Variants in CEP63 observed in about 807,000 individuals in gnomAD.
CEP63 encodes centrosomal protein of 63 kDa.
Under a neutral mutation model 89.1 loss-of-function variants are expected in CEP63, and 84 were observed. That is an observed-to-expected ratio of 0.94 (90% confidence interval 0.79 to 1.13). The LOEUF (loss-of-function observed/expected upper bound fraction) is 1.13. Among genes scored for constraint, CEP63 ranks in the 50% most tolerant of loss-of-function variants. The pLI is 0.00. For synonymous variants in CEP63, 267 were observed against 272.5 expected, an observed-to-expected ratio of 0.98 and a Z score of 0.20; for missense variants, 838 against 813.3, an observed-to-expected ratio of 1.03 and a Z score of -0.37.
downstream of CEP63, among the ~76,000 whole-genome samples, chr3:134,587,837 A>G (rs1170829611): frequency 7.6e-6 from 1 of 131,892 alleles, no homozygotes; most frequent in Admixed American, 7.5e-5. Flanking sequence ...ACCCCCCTAT[A>G]AAAAAAAAAA....
At chr3:134,633,696 AG>A in the CEP63 span, among the ~76,000 whole-genome samples, 1 of 152,166 alleles carries the variant, frequency 6.6e-6, no homozygotes. Context: ...ATTGGGAACA[AG>A]TCATAGATAT....
chr3:134,534,083 G>T (rs1950332315), intron 5 of CEP63, among the ~76,000 whole-genome samples: 1 of 151,774 alleles, frequency 6.6e-6, no homozygotes, highest in South Asian at 2.1e-4. Flanking sequence ...AGCCTATACT[G>T]CCAGCCAATG....
the CEP63 span, among the ~76,000 whole-genome samples, chr3:134,737,352 G>T: frequency 6.6e-6 from 1 of 151,996 alleles, no homozygotes; most frequent in Non-Finnish European, 1.5e-5. Context: ...CTACAAAGGT[G>T]AATTGATAAG....
the CEP63 span, among the ~76,000 whole-genome samples, chr3:134,782,178 A>C: frequency 6.6e-6 from 1 of 152,244 alleles, no homozygotes; most frequent in Admixed American, 6.5e-5. Context: ...ATGGGACAAT[A>C]GATTTCTCTA....
chr3:134,521,108 C>T (rs1947345942), intron 3 of CEP63, among the ~76,000 whole-genome samples: 1 of 151,862 alleles, frequency 6.6e-6, no homozygotes, highest in Non-Finnish European at 1.5e-5. Flanking sequence ...GAAAAATGGG[C>T]AAAAGACAAA....
chr3:134,529,377 GT>G (rs1410932016), intron 3 of CEP63, among the ~76,000 whole-genome samples: 10 of 107,258 alleles, frequency 9.3e-5, no homozygotes, highest in African/African-American at 3.8e-4. Flanking sequence ...GTCTCACTCT[GT>G]TGCCCAGGCT....
the CEP63 span, among the ~76,000 whole-genome samples, chr3:134,744,862 C>A: frequency 1.3e-5 from 2 of 152,172 alleles, no homozygotes; most frequent in African/African-American, 4.8e-5. Flanking sequence ...TTGTCTAATG[C>A]ACACTATCTT....
the CEP63 span, among the ~76,000 whole-genome samples, chr3:134,724,654 GC>G: frequency 1.2e-4 from 19 of 152,198 alleles, no homozygotes; most frequent in African/African-American, 4.1e-4. Flanking sequence ...TCCCATGAAT[GC>G]CTAGTCAAAA....
chr3:134,656,663 G>T, the CEP63 span, among the ~76,000 whole-genome samples: 1 of 152,184 alleles, frequency 6.6e-6, no homozygotes, highest in Non-Finnish European at 1.5e-5. Flanking sequence ...GATATTTTGG[G>T]GTAGTGTGGG....
chr3:134,589,967 G>C (rs1188101992), downstream of CEP63, among the ~76,000 whole-genome samples: 1 of 152,108 alleles, frequency 6.6e-6, no homozygotes, highest in Non-Finnish European at 1.5e-5. Context: ...GGAGCTGGAG[G>C]CTATTATCCT....
chr3:134,542,343 A>G (rs1304096968), intron 6 of CEP63, among the ~76,000 whole-genome samples: 1 of 152,232 alleles, frequency 6.6e-6, no homozygotes, highest in South Asian at 2.1e-4. Flanking sequence ...TGGTAGAATT[A>G]TCAGAGTTAA....
the CEP63 span, among the ~76,000 whole-genome samples, chr3:134,673,126 G>T: frequency 6.6e-6 from 1 of 152,132 alleles, no homozygotes; most frequent in East Asian, 1.9e-4. Context: ...CAGGTCTTCA[G>T]GAGTAAATTT....
At chr3:134,780,895 A>G in the CEP63 span, among the ~76,000 whole-genome samples, 1 of 152,216 alleles carries the variant, frequency 6.6e-6, no homozygotes, top group African/African-American at 2.4e-5. Flanking sequence ...TGTTATATTT[A>G]AAAATATTAT....
At chr3:134,623,555 C>T in the CEP63 span, among the ~76,000 whole-genome samples, 1 of 151,454 alleles carries the variant, frequency 6.6e-6, no homozygotes, top group South Asian at 2.1e-4. Flanking sequence ...CTTGTTCCCC[C>T]ACCTTAGGAT....
chr3:134,726,496 A>ACACG, the CEP63 span, among the ~76,000 whole-genome samples: 1 of 151,778 alleles, frequency 6.6e-6, no homozygotes, highest in African/African-American at 2.4e-5. Context: ...ACACACACAC[A>ACACG]CACACACACA....
chr3:134,712,356 T>C, the CEP63 span, among the ~76,000 whole-genome samples: 1 of 150,200 alleles, frequency 6.7e-6, no homozygotes. Flanking sequence ...CCTGAATTAA[T>C]AATTTTATTT....
chr3:134,782,388 T>C, the CEP63 span, among the ~76,000 whole-genome samples: 1 of 152,228 alleles, frequency 6.6e-6, no homozygotes, highest in African/African-American at 2.4e-5. Context: ...AAATATTCTA[T>C]TTTTTATTGT....
At chr3:134,688,983 A>T in the CEP63 span, among the ~76,000 whole-genome samples, 1 of 152,222 alleles carries the variant, frequency 6.6e-6, no homozygotes, top group African/African-American at 2.4e-5. Context: ...AATGATGAGC[A>T]TTGAGCCATT....
chr3:134,726,686 A>G, the CEP63 span, among the ~76,000 whole-genome samples: 3 of 152,094 alleles, frequency 2.0e-5, no homozygotes, highest in African/African-American at 7.2e-5. Flanking sequence ...AAGTCTTGGG[A>G]TCCCGGCCAT....
Sources: allele counts gnomAD v4.1 joint callset (sites outside exome capture counted in the v4.1 genomes callset), GRCh38; gene constraint gnomAD v4.1.1; transcripts MANE v1.5; gene names NCBI Gene and HGNC (gene_info 2026-07-23, HGNC 2026-07-21).